Variants in RYR2 observed in about 807,000 individuals in gnomAD.
RYR2 encodes the protein cardiac muscle ryanodine receptor-calcium release channel.
In RYR2, 227 loss-of-function variants were observed where a neutral mutation model predicts 601.1. That is an observed-to-expected ratio of 0.38 (90% CI 0.34 to 0.42). The LOEUF is 0.42. Ranked by LOEUF, RYR2 falls within the 10% of genes least tolerant of loss-of-function variation. RYR2 has a pLI of 1.00. For missense variants in RYR2, 4,646 were observed against 6,156.5 expected, an observed-to-expected ratio of 0.75 and a Z score of 8.21; for synonymous variants, 2,223 against 2,175.1, an observed-to-expected ratio of 1.02 and a Z score of -0.61.
intron 25 of RYR2, among the ~76,000 whole-genome samples, chr1:237,544,656 T>C (rs1212573526): frequency 1.3e-5 from 2 of 152,194 alleles, no homozygotes; most frequent in Non-Finnish European, 2.9e-5. Context: ...TTGGTTGTCC[T>C]CTGTGTACCT....
chr1:237,493,356 A>C (rs958647332), intron 19 of RYR2, among the ~76,000 whole-genome samples: 1 of 152,312 alleles, frequency 6.6e-6, no homozygotes, highest in African/African-American at 2.4e-5. Flanking sequence ...TGGCATCTTC[A>C]GGACCACCCT....
At chr1:237,485,725 T>C (rs1294995640) in intron 17 of RYR2, among the ~76,000 whole-genome samples, 3 of 152,294 alleles carry the variant, frequency 2.0e-5, no homozygotes, top group African/African-American at 7.2e-5. Flanking sequence ...TTAATAAATA[T>C]ATATGATTCA....
At chr1:237,108,883 G>A (rs1270989939) in intron 1 of RYR2, among the ~76,000 whole-genome samples, 1 of 152,160 alleles carries the variant, frequency 6.6e-6, no homozygotes, top group African/African-American at 2.4e-5. Context: ...TGGGGTACTG[G>A]CTCCTAAGAG....
At chr1:237,611,060 A>G (rs1237514547) in intron 36 of RYR2, 72 bp downstream of exon 36, 9 of 1,332,010 alleles carry the variant, frequency 6.8e-6, no homozygotes, top group Admixed American at 3.9e-5. Flanking sequence ...GGCTTCCGGT[A>G]GTGGTGCGGG....
chr1:237,549,882 T>C (rs1229153706), intron 26 of RYR2, among the ~76,000 whole-genome samples: 1 of 152,182 alleles, frequency 6.6e-6, no homozygotes, highest in Non-Finnish European at 1.5e-5. Flanking sequence ...TGTACTCTAA[T>C]ATTAAGCATC....
At chr1:237,341,991 A>G (rs1697847681) in intron 3 of RYR2, among the ~76,000 whole-genome samples, 1 of 152,166 alleles carries the variant, frequency 6.6e-6, no homozygotes, top group Non-Finnish European at 1.5e-5. Context: ...ATGAGAAATT[A>G]CATGGTTATC....
At chr1:237,740,144 C>G (rs189313385) in intron 79 of RYR2, among the ~76,000 whole-genome samples, 1 of 152,148 alleles carries the variant, frequency 6.6e-6, no homozygotes, top group South Asian at 2.1e-4. Context: ...ATCTATGTCA[C>G]GTGGATGCCA....
chr1:237,163,640 TAATGGGTGGTGGGAA>T (rs1406909079), intron 1 of RYR2, among the ~76,000 whole-genome samples: 4 of 152,160 alleles, frequency 2.6e-5, no homozygotes, highest in Non-Finnish European at 5.9e-5. Flanking sequence ...TTCATGTAGT[TAATGGGTGGTGGGAA>T]AATTGGTCTT....
intron 1 of RYR2, among the ~76,000 whole-genome samples, chr1:237,155,842 G>T (rs1675270032): frequency 6.6e-6 from 1 of 152,140 alleles, no homozygotes; most frequent in Non-Finnish European, 1.5e-5. Flanking sequence ...ATTGAGGAAG[G>T]CAACACAGGC....
chr1:237,348,613 G>T (rs990754059), intron 3 of RYR2, among the ~76,000 whole-genome samples: 12 of 152,172 alleles, frequency 7.9e-5, no homozygotes, highest in African/African-American at 2.7e-4. Flanking sequence ...CTAGCTGCCA[G>T]CCGTAGGTAC....
intron 19 of RYR2, 72 bp from the exon 20 acceptor site, chr1:237,496,439 T>C (rs1053574682): frequency 1.3e-6 from 2 of 1,579,532 alleles, no homozygotes; most frequent in African/African-American, 2.7e-5. Flanking sequence ...CAAGTGAAAT[T>C]GTGAGATGTA....
chr1:237,435,140 AAT>A (rs1218230261), intron 12 of RYR2, among the ~76,000 whole-genome samples: 2 of 152,176 alleles, frequency 1.3e-5, no homozygotes, highest in African/African-American at 4.8e-5. Context: ...TTTCATTCAG[AAT>A]ATGTTTCAGA....
At chr1:237,648,642 C>T (rs1294134787) in intron 49 of RYR2, 29 bp downstream of exon 49, 5 of 1,592,184 alleles carry the variant, frequency 3.1e-6, no homozygotes, top group East Asian at 2.2e-5. Context: ...ACTTCCTCCT[C>T]TCTTGACTCT....
At chr1:237,617,047 G>A (rs1678554407) in intron 37 of RYR2, among the ~76,000 whole-genome samples, 1 of 152,050 alleles carries the variant, frequency 6.6e-6, no homozygotes. Context: ...GATTTCATGG[G>A]GAAAGAACCA....
At chr1:237,090,028 G>A (rs111540947) in intron 1 of RYR2, among the ~76,000 whole-genome samples, 9 of 152,310 alleles carry the variant, frequency 5.9e-5, no homozygotes, top group African/African-American at 2.2e-4. Context: ...CCTCTTCACA[G>A]GGCGGCAGGA....
chr1:237,255,267 T>C (rs961107019), intron 1 of RYR2, among the ~76,000 whole-genome samples: 8 of 152,242 alleles, frequency 5.3e-5, no homozygotes, highest in Non-Finnish European at 1.2e-4. Flanking sequence ...AAACAGACAC[T>C]GAATTTGAAT....
At chr1:237,260,434 T>C (rs1251231322) in intron 1 of RYR2, among the ~76,000 whole-genome samples, 2 of 152,206 alleles carry the variant, frequency 1.3e-5, no homozygotes, top group African/African-American at 2.4e-5. Flanking sequence ...GTGATTCAAA[T>C]GTAGGAGCAT....
intron 1 of RYR2, among the ~76,000 whole-genome samples, chr1:237,067,264 T>C (rs1454037628): frequency 3.9e-5 from 6 of 152,196 alleles, no homozygotes; most frequent in Non-Finnish European, 8.8e-5. Flanking sequence ...TGTTTTCTTC[T>C]AAATGTTTTA....
At chr1:237,431,633 A>G (rs1706813209) in intron 12 of RYR2, among the ~76,000 whole-genome samples, 1 of 152,130 alleles carries the variant, frequency 6.6e-6, no homozygotes, top group Admixed American at 6.5e-5. Context: ...GAATATTTTT[A>G]TCTCTGAATA....
Sources: gnomAD v4.1 joint callset for allele counts (sites outside exome capture counted in the v4.1 genomes callset) on GRCh38, gnomAD v4.1.1 for gene constraint, MANE v1.5 for transcripts, NCBI Gene and HGNC (gene_info 2026-07-23, HGNC 2026-07-21) for gene names.